The following ARVCF variants were observed in gnomAD, a reference collection of about 807,000 sequenced individuals.
ARVCF encodes the protein splicing regulator ARVCF.
A neutral mutation model predicts 90.9 loss-of-function variants in ARVCF; 66 were observed. The ratio of observed to expected loss-of-function variants is 0.73; its 90% confidence interval spans 0.60 to 0.89. The LOEUF is 0.89. Ranked by LOEUF, ARVCF falls within the 40% of genes least tolerant of loss-of-function variation. The pLI is 0.00. For missense variants in ARVCF, 1,469 were observed against 1,382.3 expected, an observed-to-expected ratio of 1.06 and a Z score of -1.00; for synonymous variants, 653 against 603.4, an observed-to-expected ratio of 1.08 and a Z score of -1.21.
Position 19,972,766 on chromosome 22 carries a change from C to T in ARVCF, c.2612G>A (p.Ser871Asn), listed in dbSNP as rs745720321. ...GALSPGGFDD[S>N]TLPLVDKSLE... Reference sequence around the variant, plus strand: ...GCTCTTGTCCACCAGTGGCAGCGTGCTGTCATCGAAGCCCCCAGGACTCAG... The same window carrying T: ...GCTCTTGTCCACCAGTGGCAGCGTGTTGTCATCGAAGCCCCCAGGACTCAG... The change falls in exon 16 of 20, where the codon AGC becomes AAC. Residue 871 changes from serine to asparagine, a missense_variant. Physicochemically the swap from Ser to Asn is conservative, Grantham distance 46 (BLOSUM62 1). Transcript: ENST00000263207. The T allele has an allele frequency of 1.9e-6, 3 of 1,613,022 alleles. No individual in the cohort carries two copies. Among genetic ancestry groups the T allele is most frequent in the African/African-American group, 1.3e-5 (1 of 75,028 alleles).
chr22:19,982,704 C>T (rs1052357453), intron 3 of ARVCF, among the ~76,000 whole-genome samples: 3 of 152,236 alleles, frequency 2.0e-5, no homozygotes, highest in Non-Finnish European at 2.9e-5. Context: ...CAGAACACCC[C>T]ATGCACCTGC....
intron 6 of ARVCF, chr22:19,979,294 G>A (rs911295536): frequency 7.6e-5 from 46 of 602,620 alleles, no homozygotes; most frequent in Middle Eastern, 8.8e-4. Flanking sequence ...AGAGGAGGGT[G>A]TGGCAGTGCT....
At chr22:19,975,990 C>T (rs531033633) in intron 10 of ARVCF, among the ~76,000 whole-genome samples, 7 of 152,192 alleles carry the variant, frequency 4.6e-5, no homozygotes, top group African/African-American at 1.7e-4. Flanking sequence ...CCCTAGGACT[C>T]ATCTCCCACC....
intron 4 of ARVCF, 52 bp downstream of exon 4, chr22:19,981,881 G>A (rs768200025): frequency 1.9e-5 from 31 of 1,594,556 alleles, no homozygotes; most frequent in Non-Finnish European, 2.6e-5. Flanking sequence ...AGGTGGGACA[G>A]CTGCAGCAGC....
Position 19,981,396 on chromosome 22 carries a change from C to T in ARVCF, c.711G>A (p.Pro237=), listed in dbSNP as rs747134067. ...FTLPGHREAF[P]VGPEPGPPGG... ...CTGGTGGCCCAGGCTCAGGACCCAC[C>T]GGGAAGGCTTCCCGGTGGCCAGGCA... The change falls in exon 5 of 20, where the codon CCG becomes CCA. Residue 237 remains proline, a synonymous_variant. Transcript: ENST00000263207. The T allele has an allele frequency of 5.5e-5, 87 of 1,590,064 alleles. No individual in the cohort carries two copies. Among genetic ancestry groups the T allele is most frequent in the East Asian group, 2.3e-4 (10 of 43,550 alleles).
intron 2 of ARVCF, among the ~76,000 whole-genome samples, chr22:20,007,616 T>C (rs1944678503): frequency 6.6e-6 from 1 of 152,240 alleles, no homozygotes; most frequent in Non-Finnish European, 1.5e-5. Context: ...GCTACATGAA[T>C]GGATTAATTC....
intron 1 of ARVCF, among the ~76,000 whole-genome samples, chr22:20,012,374 A>G (rs1201913962): frequency 1.3e-5 from 2 of 152,246 alleles, no homozygotes; most frequent in African/African-American, 2.4e-5. Context: ...GCAGGGGCAG[A>G]GCAGAGCATC....
At chr22:19,965,710 GTGTGGAGAGGGC>G (rs1942355475), downstream of ARVCF, 1 of 152,320 alleles carries the variant, frequency 6.6e-6, no homozygotes. Context: ...GCCTTGTGGA[GTGTGGAGAGGGC>G]TGTGGGGAGG....
chr22:19,992,289 T>C (rs116565644), intron 2 of ARVCF, among the ~76,000 whole-genome samples: 1 of 152,060 alleles, frequency 6.6e-6, no homozygotes, highest in African/African-American at 2.4e-5. Context: ...CCAGCATGAG[T>C]GGAGGAGCTG....
rs1478909058 is a variant in ARVCF at position 19,981,214 on chromosome 22, G to C, written c.893C>G (p.Thr298Ser). 6.5e-7 allele frequency: 1 copy of C among 1,537,022 alleles called. No homozygotes were observed. Among genetic ancestry groups the C allele is most frequent in the Admixed American group, 2.0e-5 (1 of 49,664 alleles). Residue 298 changes from threonine (T) to serine (S), a missense_variant, in exon 5 of 20, where the codon ACC becomes AGC. Transcript: ENST00000263207. ...CAGGGGACGGGGTGCAGCTCACCTG[G>C]TATGAAGGCCCCGCCCACACTCAGG... ...RRPECGRGLH[T>S]RAYEDTADDG...
intron 3 of ARVCF, among the ~76,000 whole-genome samples, chr22:19,982,638 G>C (rs1460480515): frequency 6.6e-6 from 1 of 152,150 alleles, no homozygotes; most frequent in African/African-American, 2.4e-5. Flanking sequence ...GCCACACTAA[G>C]GTTCCCGCCA....
chr22:19,994,106 G>A (rs917051386), intron 2 of ARVCF, among the ~76,000 whole-genome samples: 4 of 152,150 alleles, frequency 2.6e-5, no homozygotes, highest in Non-Finnish European at 4.4e-5. Flanking sequence ...GGATACAGGG[G>A]TGGATGGGGG....
chr22:19,990,909 C>T, intron 2 of ARVCF, 97 bp from the exon 3 acceptor site: 1 of 1,221,226 alleles, frequency 8.2e-7, no homozygotes, highest in African/African-American at 1.5e-5. Flanking sequence ...ATACAACTCA[C>T]TCCCAGACCA....
intron 10 of ARVCF, 146 bp downstream of exon 10, chr22:19,976,560 C>G (rs1943163325): frequency 8.7e-7 from 1 of 1,150,534 alleles, no homozygotes; most frequent in Non-Finnish European, 1.2e-6. Flanking sequence ...GCCCCGTGGC[C>G]TTCCCACCTG....
intron 19 of ARVCF, 136 bp downstream of exon 19, chr22:19,971,080 G>A (rs1019502225): frequency 1.4e-6 from 2 of 1,424,612 alleles, no homozygotes; most frequent in African/African-American, 2.8e-5. Flanking sequence ...ATGGGCCACT[G>A]GGCTGCTGGA....
At chr22:19,972,048 G>C (rs1243953548) in intron 17 of ARVCF, 77 bp from the exon 18 acceptor site, 1 of 1,351,780 alleles carries the variant, frequency 7.4e-7, no homozygotes, top group African/African-American at 1.4e-5. Context: ...TCTCAGCCCA[G>C]ACACAGGGGA....
At chr22:19,980,656 G>T (rs1168474162) in intron 5 of ARVCF, 4 of 204,012 alleles carry the variant, frequency 2.0e-5, no homozygotes, top group Non-Finnish European at 3.9e-5. Context: ...TGTAGGGGGA[G>T]TAAATGGCCC....
downstream of ARVCF, chr22:19,969,437 C>CAGCT (rs1201568197): frequency 6.6e-6 from 1 of 152,486 alleles, no homozygotes; most frequent in Non-Finnish European, 1.5e-5. Context: ...TGGCTCAGAC[C>CAGCT]AGCTCCCGCA....
intron 3 of ARVCF, among the ~76,000 whole-genome samples, chr22:19,988,254 C>A (rs1943894004): frequency 6.6e-6 from 1 of 152,256 alleles, no homozygotes; most frequent in Non-Finnish European, 1.5e-5. Flanking sequence ...CCCCCACCTG[C>A]AGAGGGGTGA....
Sources: allele counts gnomAD v4.1 joint callset (sites outside exome capture counted in the v4.1 genomes callset), GRCh38; gene constraint gnomAD v4.1.1; transcripts MANE v1.5; gene names NCBI Gene and HGNC (gene_info 2026-07-23, HGNC 2026-07-21).